Variants in MAGED1 observed in about 807,000 individuals in gnomAD.
The protein encoded by MAGED1 is melanoma-associated antigen D1.
Under a neutral mutation model 54.1 loss-of-function variants are expected in MAGED1, and 3 were observed. The ratio of observed to expected loss-of-function variants is 0.06; its 90% confidence interval spans 0.03 to 0.14. The LOEUF (loss-of-function observed/expected upper bound fraction) is 0.14. Ranked by LOEUF, MAGED1 falls within the 10% of genes least tolerant of loss-of-function variation. The pLI, the probability that MAGED1 is intolerant of heterozygous loss-of-function variation, is 1.00. For missense variants in MAGED1, 485 were observed against 623.4 expected (o/e 0.78, Z 2.36); for synonymous variants, 217 against 227.3 (o/e 0.95, Z 0.41).
chrX:51,861,028 C>A (rs1927263400), intron 1 of MAGED1, among the ~76,000 whole-genome samples: 1 of 110,829 alleles, frequency 9.0e-6, no homozygotes, highest in Admixed American at 9.6e-5. Flanking sequence ...AGCTCCTCTT[C>A]GATTATTTCT....
intron 1 of MAGED1, among the ~76,000 whole-genome samples, chrX:51,814,830 TTGATAA>T (rs1423224380): frequency 1.8e-5 from 2 of 109,564 alleles, no homozygotes; most frequent in African/African-American, 6.7e-5. Context: ...TACATAATAC[TTGATAA>T]TGATAAAAAA....
chrX:51,829,542 A>T lies in MAGED1; in HGVS notation c.-37+26425A>T, dbSNP rs191913420. Among the ~76,000 whole-genome samples the T allele has an allele frequency of 1.6e-4, 18 of 111,135 alleles. No homozygotes were observed. In the East Asian group the frequency reaches 4.8e-3, roughly 30 times the overall value. On this transcript the variant is annotated intron_variant, in intron 1 of 12. Coordinates refer to the MAGED1 transcript ENST00000375772. ...CAAAACTTTAATTTTTAAAAAAAAA[A>T]ATTAGGGGACTGTTTATTATCTCAG...
intron 1 of MAGED1, among the ~76,000 whole-genome samples, chrX:51,839,795 G>A (rs1031273135): frequency 9.9e-5 from 11 of 111,415 alleles, no homozygotes; most frequent in Admixed American, 1.9e-4. Flanking sequence ...TTCTTTTGCT[G>A]CATGGAGATT....
At position 51,820,086 on chromosome X, in the gene MAGED1, A is replaced by T. The variant is rs782423924; in HGVS notation, c.-37+16969A>T. 1.1e-3 allele frequency among the ~76,000 whole-genome samples: 127 copies of T among 111,600 alleles called. 1 individual carries two copies. In the Middle Eastern group the frequency reaches 0.014, roughly 12 times the overall value. Reference sequence around the variant, plus strand: ...TCTTGTCAAAAGTCAATTCACCATAAATATAAGGGTTTATATCTACACTCT... The same window carrying T: ...TCTTGTCAAAAGTCAATTCACCATATATATAAGGGTTTATATCTACACTCT... On this transcript the variant is annotated intron_variant, in intron 1 of 12. Coordinates refer to the MAGED1 transcript ENST00000375772.
intron 1 of MAGED1, among the ~76,000 whole-genome samples, chrX:51,882,914 C>T (rs1299599675): frequency 9.0e-6 from 1 of 111,679 alleles, no homozygotes; most frequent in Non-Finnish European, 1.9e-5. Flanking sequence ...TGGTCTCTAA[C>T]TCGTGACCTC....
chrX:51,830,290 G>T (rs1292654598), intron 1 of MAGED1, among the ~76,000 whole-genome samples: 1 of 111,359 alleles, frequency 9.0e-6, no homozygotes, highest in Non-Finnish European at 1.9e-5. Context: ...TATAAAGAAG[G>T]AATAGAAATG....
chrX:51,839,620 A>G (rs1250540715), intron 1 of MAGED1, among the ~76,000 whole-genome samples: 1 of 112,335 alleles, frequency 8.9e-6, no homozygotes, highest in Non-Finnish European at 1.9e-5. Flanking sequence ...TAATCTTAAT[A>G]AAATTTTAGA....
intron 1 of MAGED1, among the ~76,000 whole-genome samples, chrX:51,813,178 C>T (rs781815965): frequency 9.2e-6 from 1 of 108,997 alleles, no homozygotes; most frequent in Non-Finnish European, 1.9e-5. Flanking sequence ...CATGTGCCAC[C>T]ATGCCTGGCT....
intron 1 of MAGED1, among the ~76,000 whole-genome samples, chrX:51,816,895 T>C (rs1291309674): frequency 5.4e-5 from 6 of 111,553 alleles, no homozygotes; most frequent in Non-Finnish European, 1.1e-4. Flanking sequence ...TGGCAAAACT[T>C]CATGACCTTA....
At chrX:51,842,461 G>A (rs1248716810) in intron 1 of MAGED1, among the ~76,000 whole-genome samples, 1 of 110,924 alleles carries the variant, frequency 9.0e-6, no homozygotes, top group Non-Finnish European at 1.9e-5. Context: ...TATGTAAAAT[G>A]ATATAATCTT....
rs1251078407 is a variant in MAGED1 at position 51,898,276 on chromosome X, C to T, written c.1739-9C>T. 1 of 1,208,808 alleles carries T rather than the reference C, an allele frequency of 8.3e-7. No individual in the cohort carries two copies. Among genetic ancestry groups the T allele is most frequent in the Non-Finnish European group, 1.1e-6 (1 of 894,606 alleles). On this transcript the variant is annotated splice_polypyrimidine_tract_variant and intron_variant, in intron 8 of 12. Transcript: ENST00000326587. ...TCCGTCCCTTGTCTCCCCTTGCCTC[C>T]CATTGCAGCTGTCCTCTGGGAGGCA...
intron 1 of MAGED1, among the ~76,000 whole-genome samples, chrX:51,817,792 T>G (rs1925486884): frequency 8.9e-6 from 1 of 112,047 alleles, no homozygotes; most frequent in African/African-American, 3.2e-5. Context: ...GCCCTACCAC[T>G]TTTCAATACC....
intron 1 of MAGED1, among the ~76,000 whole-genome samples, chrX:51,883,909 A>G (rs181769315): frequency 2.9e-4 from 32 of 112,039 alleles, no homozygotes; most frequent in Admixed American, 2.9e-3. Context: ...AGAAGAATTA[A>G]TCAGGGAACT....
At chrX:51,827,316 A>G (rs782441155) in intron 1 of MAGED1, among the ~76,000 whole-genome samples, 2 of 111,887 alleles carry the variant, frequency 1.8e-5, no homozygotes, top group East Asian at 2.8e-4. Context: ...GATTCCAAGT[A>G]TTTGACATTC....
chrX:51,883,800 A>T (rs940195881), intron 1 of MAGED1, among the ~76,000 whole-genome samples: 2 of 111,956 alleles, frequency 1.8e-5, no homozygotes, highest in Non-Finnish European at 1.9e-5. Flanking sequence ...CAGAGATATA[A>T]AGAAAAATTA....
intron 1 of MAGED1, among the ~76,000 whole-genome samples, chrX:51,883,711 G>T (rs1262231997): frequency 9.0e-6 from 1 of 111,608 alleles, no homozygotes; most frequent in Non-Finnish European, 1.9e-5. Context: ...AAATGTTTCA[G>T]TGAGCAATTG....
At chrX:51,874,720 A>G (rs1927806388) in intron 1 of MAGED1, among the ~76,000 whole-genome samples, 1 of 110,736 alleles carries the variant, frequency 9.0e-6, no homozygotes. Context: ...TAATGTGCTT[A>G]TCTGCTAATT....
intron 1 of MAGED1, among the ~76,000 whole-genome samples, chrX:51,840,681 G>T: frequency 9.3e-6 from 1 of 108,100 alleles, no homozygotes; most frequent in African/African-American, 3.4e-5. Flanking sequence ...GAGAACATGT[G>T]GTGTTTGGTT....
chrX:51,894,599 G>C (rs1928616615), intron 2 of MAGED1: 1 of 1,170,701 alleles, frequency 8.5e-7, no homozygotes, highest in Admixed American at 2.5e-5. Flanking sequence ...TGCGGGGTGG[G>C]TAAGGAACCA....
Sources: gnomAD v4.1 joint callset for allele counts (sites outside exome capture counted in the v4.1 genomes callset) on GRCh38, gnomAD v4.1.1 for gene constraint, MANE v1.5 for transcripts, NCBI Gene and HGNC (gene_info 2026-07-23, HGNC 2026-07-21) for gene names.